The following ELMO1 variants were observed in gnomAD, a reference collection of about 807,000 sequenced individuals.
ELMO1 encodes the protein engulfment and cell motility protein 1.
Under a neutral mutation model 98.9 loss-of-function variants are expected in ELMO1, and 26 were observed. That is an observed-to-expected ratio of 0.26 (90% confidence interval 0.19 to 0.36). The LOEUF is 0.36. Among genes scored for constraint, ELMO1 ranks in the 10% least tolerant of loss-of-function variants. ELMO1 has a pLI of 1.00. For synonymous variants in ELMO1, 346 were observed against 346.0 expected, an observed-to-expected ratio of 1.00 and a Z score of 0.00; for missense variants, 627 against 935.2, an observed-to-expected ratio of 0.67 and a Z score of 4.30.
intron 16 of ELMO1, among the ~76,000 whole-genome samples, chr7:36,912,252 C>G (rs1784392160): frequency 6.6e-6 from 1 of 152,140 alleles, no homozygotes; most frequent in African/African-American, 2.4e-5. Context: ...ATAATTCCCA[C>G]CCAAGAAAGG....
chr7:36,932,846 G>A (rs1190425747), intron 16 of ELMO1, among the ~76,000 whole-genome samples: 1 of 152,168 alleles, frequency 6.6e-6, no homozygotes, highest in East Asian at 1.9e-4. Flanking sequence ...CAGTGCCCGG[G>A]ACAGCAAGAG....
At chr7:37,212,777 A>T (rs1017702779) in intron 12 of ELMO1, among the ~76,000 whole-genome samples, 2 of 152,072 alleles carry the variant, frequency 1.3e-5, no homozygotes, top group African/African-American at 4.8e-5. Context: ...CTCTCACTCT[A>T]CCCTCACACA....
At chr7:36,864,286 G>A (rs1470101091) in intron 20 of ELMO1, among the ~76,000 whole-genome samples, 1 of 152,182 alleles carries the variant, frequency 6.6e-6, no homozygotes, top group East Asian at 1.9e-4. Flanking sequence ...GGAAGGAAAA[G>A]GAGCAGGCAA....
At chr7:36,934,762 A>G (rs1786363680) in intron 16 of ELMO1, among the ~76,000 whole-genome samples, 1 of 152,244 alleles carries the variant, frequency 6.6e-6, no homozygotes, top group Admixed American at 6.5e-5. Flanking sequence ...GACACTAGAG[A>G]AAGCTTTAAA....
rs1751301106 is a variant in ELMO1 at position 37,111,551 on chromosome 7, T to C, written c.1192-14824A>G. Among the ~76,000 whole-genome samples, 3 of 152,210 alleles carry C rather than the reference T, an allele frequency of 2.0e-5. No individual in the cohort carries two copies. In the South Asian group the frequency reaches 6.2e-4, roughly 32 times the overall value. On this transcript the variant is annotated intron_variant, in intron 14 of 21. Transcript: ENST00000310758. Reference sequence around the variant, plus strand: ...TGTACTAGCATACTACCAAATTCAATGTAAAGTATTAAAAAGTCACCACCA... The same window carrying C: ...TGTACTAGCATACTACCAAATTCAACGTAAAGTATTAAAAAGTCACCACCA...
At chr7:37,382,445 AATT>A (rs1335644257) in intron 1 of ELMO1, among the ~76,000 whole-genome samples, 2 of 152,116 alleles carry the variant, frequency 1.3e-5, no homozygotes, top group African/African-American at 4.8e-5. Context: ...TTGGCGTAAG[AATT>A]ATTTTGAGCT....
At chr7:37,058,513 G>A (rs1046566697) in intron 15 of ELMO1, among the ~76,000 whole-genome samples, 1 of 152,164 alleles carries the variant, frequency 6.6e-6, no homozygotes, top group Non-Finnish European at 1.5e-5. Flanking sequence ...GCAGAGAAGA[G>A]AGTGAGGAAA....
rs955447194 is a variant in ELMO1, at chr7:37,029,387, T to C, written c.1301-15952A>G. On this transcript the variant is annotated intron_variant, in intron 15 of 21. Transcript: ENST00000310758. ...TATCAGTTTGAATCATTACAAACAA[T>C]TCCATGCACACTGATTTCTTTAAAA... Among the ~76,000 whole-genome samples, 3 of 150,414 alleles carry C rather than the reference T, an allele frequency of 2.0e-5. No individual in the cohort carries two copies. The Admixed American group carries it at 2.0e-4, about 10-fold the overall frequency.
intron 15 of ELMO1, among the ~76,000 whole-genome samples, chr7:37,095,774 G>A (rs1000209202): frequency 1.3e-5 from 2 of 152,118 alleles, no homozygotes; most frequent in Non-Finnish European, 2.9e-5. Context: ...AAGCTCTCGA[G>A]CAGGCAACTG....
intron 16 of ELMO1, among the ~76,000 whole-genome samples, chr7:36,937,862 G>A (rs1402244920): frequency 1.3e-5 from 2 of 152,236 alleles, no homozygotes; most frequent in Non-Finnish European, 2.9e-5. Flanking sequence ...GGAAGCTGGA[G>A]GGATTCAGAC....
intron 4 of ELMO1, among the ~76,000 whole-genome samples, chr7:37,296,034 A>G (rs1355226413): frequency 8.5e-5 from 13 of 152,242 alleles, no homozygotes; most frequent in Admixed American, 8.5e-4. Context: ...AGTTTAAAAC[A>G]GCACAGATAT....
intron 16 of ELMO1, among the ~76,000 whole-genome samples, chr7:36,999,406 G>C (rs752415002): frequency 6.6e-6 from 1 of 152,068 alleles, no homozygotes; most frequent in Non-Finnish European, 1.5e-5. Context: ...ACTCCATGAC[G>C]ATCAGTCTCT....
intron 4 of ELMO1, among the ~76,000 whole-genome samples, chr7:37,311,222 G>A (rs770273026): frequency 2.0e-5 from 3 of 152,140 alleles, no homozygotes; most frequent in Non-Finnish European, 4.4e-5. Context: ...AATGGGCTTG[G>A]AGAACATTAG....
intron 16 of ELMO1, among the ~76,000 whole-genome samples, chr7:36,908,048 T>C (rs116290209): frequency 0.029 from 4,374 of 152,306 alleles, 216 homozygotes; most frequent in African/African-American, 0.1. Context: ...CCTGAACTTG[T>C]GTTCAGTTTT....
In ELMO1 at chr7:37,168,906, C is replaced by T. The variant is rs867627843; in HGVS notation, c.1087-35672G>A. On this transcript the variant is annotated intron_variant, in intron 13 of 21. Coordinates refer to ENST00000310758, the MANE Select transcript of ELMO1 (RefSeq NM_014800.11). Reference sequence around the variant, plus strand: ...GGACATTTAAGTCTGCAGAGGTTACCGCTGTCTTTTTGTTTGTCTGTGCCC... The same window carrying T: ...GGACATTTAAGTCTGCAGAGGTTACTGCTGTCTTTTTGTTTGTCTGTGCCC... 1.0e-3 allele frequency among the ~76,000 whole-genome samples: 154 copies of T among 152,280 alleles called. 1 individual carries two copies. The highest frequency in any genetic ancestry group is 1.7e-3 in the African/African-American group (72 of 41,554).
At chr7:36,903,736 G>A (rs906367665) in intron 16 of ELMO1, among the ~76,000 whole-genome samples, 3 of 152,194 alleles carry the variant, frequency 2.0e-5, no homozygotes, top group African/African-American at 4.8e-5. Context: ...CAGTTCCAGC[G>A]AAAAGGGAGA....
At chr7:37,015,792 G>A (rs1029567365) in intron 15 of ELMO1, among the ~76,000 whole-genome samples, 12 of 152,128 alleles carry the variant, frequency 7.9e-5, no homozygotes, top group African/African-American at 2.4e-4. Flanking sequence ...AGGAATGTGA[G>A]TTTTTCTGTG....
At chr7:37,127,640 C>G (rs571639025) in intron 14 of ELMO1, among the ~76,000 whole-genome samples, 1 of 152,274 alleles carries the variant, frequency 6.6e-6, no homozygotes, top group African/African-American at 2.4e-5. Context: ...TTTGCTCTGG[C>G]CAAACGGGAA....
At position 37,134,851 on chromosome 7, in the gene ELMO1, A is replaced by C. The variant is rs78175319; in HGVS notation, c.1087-1617T>G. 6.1e-3 allele frequency among the ~76,000 whole-genome samples: 923 copies of C among 152,330 alleles called. 6 individuals carry two copies. Among genetic ancestry groups the C allele is most frequent in the Non-Finnish European group, 0.01 (700 of 68,034 alleles). ...TCACATATTCTCACATAGAAGTGGG[A>C]GCTAAATGATTTGCACACATGGGCA... is the stretch of plus-strand genomic sequence containing the variant. On this transcript the variant is annotated intron_variant, in intron 13 of 21. Transcript: ENST00000310758.
Sources: allele counts gnomAD v4.1 joint callset (sites outside exome capture counted in the v4.1 genomes callset), GRCh38; gene constraint gnomAD v4.1.1; transcripts MANE v1.5; gene names NCBI Gene and HGNC (gene_info 2026-07-23, HGNC 2026-07-21).